The following SAMMSON variants were observed in gnomAD, a reference collection of about 807,000 sequenced individuals.
SAMMSON encodes the protein long intergenic non-protein coding RNA 1212.
At chr3:70,045,236 A>G (rs938258076) in intron 3 of SAMMSON, among the ~76,000 whole-genome samples, 1 of 144,358 alleles carries the variant, frequency 6.9e-6, no homozygotes, top group Non-Finnish European at 1.5e-5. Flanking sequence ...AATATTATTT[A>G]TTTAGTATGT....
At chr3:70,142,930 T>C (rs1249179948) in intron 4 of SAMMSON, among the ~76,000 whole-genome samples, 2 of 152,068 alleles carry the variant, frequency 1.3e-5, no homozygotes, top group Non-Finnish European at 1.5e-5. Context: ...CTATTTCACA[T>C]GGAAGAAGCC....
At chr3:70,134,530 CAAAT>C (rs1469415802) in intron 4 of SAMMSON, among the ~76,000 whole-genome samples, 4 of 151,808 alleles carry the variant, frequency 2.6e-5, no homozygotes, top group Middle Eastern at 3.4e-3. Context: ...AAGTAGCAAA[CAAAT>C]AAAGTGTAAA....
intron 3 of SAMMSON, among the ~76,000 whole-genome samples, chr3:70,037,939 A>G (rs185080731): frequency 6.6e-6 from 1 of 152,318 alleles, no homozygotes; most frequent in East Asian, 1.9e-4. Flanking sequence ...GTTCGATTAT[A>G]TTAACCTGGC....
chr3:70,278,875 A>G (rs1193163336), intron 6 of SAMMSON, among the ~76,000 whole-genome samples: 2 of 151,964 alleles, frequency 1.3e-5, no homozygotes, highest in African/African-American at 4.8e-5. Context: ...AACAAATGAA[A>G]TAACAATTGT....
chr3:70,092,194 T>A (rs1331465506), intron 4 of SAMMSON, among the ~76,000 whole-genome samples: 1 of 152,128 alleles, frequency 6.6e-6, no homozygotes, highest in African/African-American at 2.4e-5. Flanking sequence ...GAGAGTGGAA[T>A]TAGATGAGGT....
intron 3 of SAMMSON, chr3:70,025,266 T>C (rs146169750): frequency 3.1e-4 from 47 of 152,316 alleles, no homozygotes; most frequent in African/African-American, 1.1e-3. Context: ...TTTTTTGAGA[T>C]GGAGTTTCAT....
At chr3:70,314,491 G>C (rs1019020785) in intron 7 of SAMMSON, among the ~76,000 whole-genome samples, 1 of 152,062 alleles carries the variant, frequency 6.6e-6, no homozygotes, top group East Asian at 1.9e-4. Context: ...TTACATATTA[G>C]TGGGGCCAGA....
intron 6 of SAMMSON, among the ~76,000 whole-genome samples, chr3:70,261,864 A>G (rs745649047): frequency 2.6e-5 from 4 of 152,226 alleles, no homozygotes; most frequent in Non-Finnish European, 2.9e-5. Context: ...TTTAGAAACA[A>G]GGGGTTTGTT....
At chr3:70,067,843 A>G (rs912332729) in intron 3 of SAMMSON, among the ~76,000 whole-genome samples, 1 of 152,092 alleles carries the variant, frequency 6.6e-6, no homozygotes, top group Non-Finnish European at 1.5e-5. Flanking sequence ...ATAAAGGAGC[A>G]TCTACCATGT....
At chr3:70,129,904 C>G (rs1467457936) in intron 4 of SAMMSON, among the ~76,000 whole-genome samples, 1 of 152,120 alleles carries the variant, frequency 6.6e-6, no homozygotes, top group Non-Finnish European at 1.5e-5. Context: ...AGCTGTACAA[C>G]ATGATGTTTT....
intron 4 of SAMMSON, among the ~76,000 whole-genome samples, chr3:70,106,411 G>A (rs6803007): frequency 0.11 from 16,158 of 151,070 alleles, 968 homozygotes; most frequent in East Asian, 0.24. Flanking sequence ...CATGATCATA[G>A]CACATTGTAG....
chr3:70,152,518 A>T (rs2106687946), intron 4 of SAMMSON, among the ~76,000 whole-genome samples: 1 of 152,122 alleles, frequency 6.6e-6, no homozygotes, highest in Non-Finnish European at 1.5e-5. Flanking sequence ...TTCCATCAAA[A>T]CATATAGTAT....
intron 9 of SAMMSON, among the ~76,000 whole-genome samples, chr3:70,368,234 A>G (rs866380941): frequency 3.3e-5 from 5 of 151,436 alleles, no homozygotes; most frequent in Admixed American, 6.6e-5. Flanking sequence ...ATTTACTTCA[A>G]CAGAATCCAA....
intron 4 of SAMMSON, among the ~76,000 whole-genome samples, chr3:70,217,837 G>T (rs1197770443): frequency 6.6e-6 from 1 of 152,092 alleles, no homozygotes; most frequent in Non-Finnish European, 1.5e-5. Flanking sequence ...AGGGCTTGGG[G>T]GTGACATACT....
chr3:70,350,528 A>C (rs1575631460), intron 7 of SAMMSON, among the ~76,000 whole-genome samples: 1 of 152,246 alleles, frequency 6.6e-6, no homozygotes, highest in East Asian at 1.9e-4. Flanking sequence ...ATTTTCAATG[A>C]AAGATAATTC....
At chr3:70,349,665 G>A (rs984531369) in intron 7 of SAMMSON, among the ~76,000 whole-genome samples, 10 of 152,100 alleles carry the variant, frequency 6.6e-5, no homozygotes, top group African/African-American at 2.4e-4. Flanking sequence ...ATGAAGGTCG[G>A]GTTGGGAAAA....
At chr3:70,242,475 T>C (rs565317111) in intron 4 of SAMMSON, among the ~76,000 whole-genome samples, 25 of 152,312 alleles carry the variant, frequency 1.6e-4, no homozygotes, top group African/African-American at 6.0e-4. Context: ...TTTGGGGCAG[T>C]TACTTGGACA....
At chr3:70,237,271 T>C (rs1307980520) in intron 4 of SAMMSON, among the ~76,000 whole-genome samples, 2 of 152,230 alleles carry the variant, frequency 1.3e-5, no homozygotes, top group African/African-American at 4.8e-5. Flanking sequence ...CTGCATCATA[T>C]TCTCCAGTGC....
At chr3:70,043,939 A>G (rs2067114708) in intron 3 of SAMMSON, among the ~76,000 whole-genome samples, 1 of 152,088 alleles carries the variant, frequency 6.6e-6, no homozygotes, top group Admixed American at 6.6e-5. Context: ...AGTTAAAGTG[A>G]ACAAAATTGA....
Sources: allele counts gnomAD v4.1 joint callset (sites outside exome capture counted in the v4.1 genomes callset), GRCh38; gene constraint gnomAD v4.1.1; transcripts MANE v1.5; gene names NCBI Gene and HGNC (gene_info 2026-07-23, HGNC 2026-07-21).